The following ANKS1B variants were observed in gnomAD, a reference collection of about 807,000 sequenced individuals.
The protein encoded by ANKS1B is ankyrin repeat and sterile alpha motif domain containing 1B, also known as ankyrin repeat and sterile alpha motif domain-containing protein 1B.
Under a neutral mutation model 148.3 loss-of-function variants are expected in ANKS1B, and 36 were observed. That is an observed-to-expected ratio of 0.24 (90% CI 0.19 to 0.32). The LOEUF (loss-of-function observed/expected upper bound fraction) is 0.32. ANKS1B is among the 10% of genes least tolerant of loss of function. The pLI is 1.00. For synonymous variants in ANKS1B, 542 were observed against 560.8 expected (o/e 0.97, Z 0.47); for missense variants, 1,157 against 1,542.6 (o/e 0.75, Z 4.19).
At chr12:98,837,613 C>G (rs183082044) in intron 17 of ANKS1B, among the ~76,000 whole-genome samples, 16 of 152,118 alleles carry the variant, frequency 1.1e-4, no homozygotes, top group African/African-American at 3.9e-4. Context: ...TATAATATCA[C>G]GTCACTGCTG....
At chr12:98,988,255 T>A in intron 17 of ANKS1B, among the ~76,000 whole-genome samples, 1 of 152,126 alleles carries the variant, frequency 6.6e-6, no homozygotes, top group Non-Finnish European at 1.5e-5. Flanking sequence ...ATCTCCCCAA[T>A]TCCCTCCTTG....
chr12:99,046,419 A>C (rs879478696), intron 17 of ANKS1B, among the ~76,000 whole-genome samples: 1 of 152,230 alleles, frequency 6.6e-6, no homozygotes, highest in Non-Finnish European at 1.5e-5. Context: ...GAAGACAAAG[A>C]TATTAAACCA....
In ANKS1B at chr12:98,781,303, AAAC is replaced by A. The variant is rs1045816907; in HGVS notation, c.3355-103_3355-101del. The A allele has an allele frequency of 9.4e-4, 653 of 697,510 alleles. 4 individuals are homozygous for A. Among genetic ancestry groups the A allele is most frequent in the Middle Eastern group, 4.7e-3 (20 of 4,296 alleles). 43.2% of individuals were successfully genotyped at this position (697,510 alleles called of 1,614,324 possible). Reference sequence around the variant, plus strand: ...AAAGATAAAGATGAGCTCAAATTAAAAACAACAACAACACACACACACACACAC... The same window carrying A: ...AAAGATAAAGATGAGCTCAAATTAAAAACAACAACACACACACACACACAC... On this transcript the variant is annotated intron_variant, in intron 23 of 26. Coordinates refer to ENST00000683438, the MANE Select transcript of ANKS1B (RefSeq NM_001352186.2).
At chr12:99,940,604 A>G (rs2094895912) in intron 1 of ANKS1B, among the ~76,000 whole-genome samples, 1 of 152,166 alleles carries the variant, frequency 6.6e-6, no homozygotes, top group Admixed American at 6.5e-5. Flanking sequence ...CTTAAAATAA[A>G]TACCTGAAAA....
chr12:99,574,247 T>C (rs563718937), intron 9 of ANKS1B, among the ~76,000 whole-genome samples: 3 of 152,270 alleles, frequency 2.0e-5, no homozygotes, highest in African/African-American at 7.2e-5. Context: ...CTTTACTGTA[T>C]TGTTCCCGAG....
intron 7 of ANKS1B, among the ~76,000 whole-genome samples, chr12:99,775,086 G>T (rs2063534444): frequency 6.6e-6 from 1 of 152,062 alleles, no homozygotes; most frequent in East Asian, 1.9e-4. Context: ...ACAGCATGGT[G>T]ACTATAGTTA....
intron 1 of ANKS1B, among the ~76,000 whole-genome samples, chr12:99,890,830 C>T (rs951225849): frequency 1.3e-5 from 2 of 151,772 alleles, no homozygotes; most frequent in Non-Finnish European, 2.9e-5. Context: ...CTGTGGAGAG[C>T]AAGCAGTACA....
chr12:99,096,910 T>C (rs1277363860), intron 15 of ANKS1B: 4 of 152,098 alleles, frequency 2.6e-5, no homozygotes, highest in Non-Finnish European at 4.4e-5. Context: ...TGGTGCATTA[T>C]TAAAAGGGGG....
intron 4 of ANKS1B, among the ~76,000 whole-genome samples, chr12:99,784,430 C>T (rs1236449088): frequency 1.3e-5 from 2 of 152,154 alleles, no homozygotes; most frequent in African/African-American, 4.8e-5. Context: ...TCTTGGCCTC[C>T]CAAAGTGCTG....
At chr12:99,679,553 G>A (rs970306851) in intron 8 of ANKS1B, among the ~76,000 whole-genome samples, 9 of 151,962 alleles carry the variant, frequency 5.9e-5, no homozygotes, top group South Asian at 4.1e-4. Context: ...CAAGTGATCC[G>A]CCCTCCTCGG....
intron 12 of ANKS1B, among the ~76,000 whole-genome samples, chr12:99,355,032 A>G (rs965036864): frequency 6.6e-6 from 1 of 152,150 alleles, no homozygotes; most frequent in East Asian, 1.9e-4. Context: ...AACTAACAGT[A>G]TGATATCTAA....
chr12:99,712,441 T>TCACAAGAG (rs1567695956), intron 8 of ANKS1B, among the ~76,000 whole-genome samples: 1 of 152,028 alleles, frequency 6.6e-6, no homozygotes, highest in East Asian at 1.9e-4. Context: ...CCCAATGTAA[T>TCACAAGAG]CACAAGAGTC....
In ANKS1B at chr12:99,484,750, G is replaced by A. The variant is rs1047064928; in HGVS notation, c.1438+19726C>T. Among the ~76,000 whole-genome samples the A allele has an allele frequency of 1.2e-4, 16 of 136,790 alleles. No homozygotes were observed. In the South Asian group the frequency reaches 3.5e-3, roughly 30 times the overall value. 89.7% of individuals were successfully genotyped at this position (136,790 alleles called of 152,430 possible). A position where few individuals can be genotyped will look rare whatever the true frequency, so the allele number is the denominator to read the frequency against. On this transcript the variant is annotated intron_variant, in intron 10 of 26. Transcript: ENST00000683438. ...TTATCATTATATAGTGACCGTCTTT[G>A]TGTGTGTGTGTGTGTTTTTTTTTTT... is the stretch of plus-strand genomic sequence containing the variant.
chr12:99,113,099 C>T (rs2060640241), intron 15 of ANKS1B, among the ~76,000 whole-genome samples: 1 of 152,218 alleles, frequency 6.6e-6, no homozygotes, highest in African/African-American at 2.4e-5. Flanking sequence ...TTTCAAGTCC[C>T]TCTTTAATGC....
At chr12:99,287,443 C>T (rs1027538979) in intron 12 of ANKS1B, among the ~76,000 whole-genome samples, 1 of 152,212 alleles carries the variant, frequency 6.6e-6, no homozygotes, top group South Asian at 2.1e-4. Context: ...AGGATGGGTA[C>T]AAATAAGCTC....
At chr12:98,780,028 C>A (rs1277529985) in intron 24 of ANKS1B, among the ~76,000 whole-genome samples, 2 of 152,108 alleles carry the variant, frequency 1.3e-5, no homozygotes, top group Non-Finnish European at 2.9e-5. Context: ...CACAGAAAAC[C>A]AATTGGAAAA....
intron 9 of ANKS1B, among the ~76,000 whole-genome samples, chr12:99,579,338 CA>C (rs549365583): frequency 3.3e-5 from 5 of 151,950 alleles, no homozygotes; most frequent in Non-Finnish European, 5.9e-5. Flanking sequence ...CAAAAACAAT[CA>C]AAGATAAGTG....
chr12:99,890,476 G>T (rs1219039871), intron 1 of ANKS1B, among the ~76,000 whole-genome samples: 1 of 151,918 alleles, frequency 6.6e-6, no homozygotes, highest in Non-Finnish European at 1.5e-5. Context: ...GAATTTCCAG[G>T]CTCCCAGCTT....
intron 14 of ANKS1B, among the ~76,000 whole-genome samples, chr12:99,189,823 A>G (rs966187095): frequency 5.9e-5 from 9 of 152,194 alleles, no homozygotes; most frequent in Non-Finnish European, 8.8e-5. Flanking sequence ...TCAACATAGT[A>G]TTGGAAGTTC....
Sources: gnomAD v4.1 joint callset for allele counts (sites outside exome capture counted in the v4.1 genomes callset) on GRCh38, gnomAD v4.1.1 for gene constraint, MANE v1.5 for transcripts, NCBI Gene and HGNC (gene_info 2026-07-23, HGNC 2026-07-21) for gene names.